The following IMMP2L variants were observed in gnomAD, a reference collection of about 807,000 sequenced individuals.
IMMP2L encodes the protein mitochondrial inner membrane protease subunit 2.
Under a neutral mutation model 19.3 loss-of-function variants are expected in IMMP2L, and 18 were observed. The observed-to-expected ratio is 0.93, with a 90% confidence interval of 0.64 to 1.38. IMMP2L has a LOEUF of 1.38. IMMP2L is among the 40% of genes most tolerant of loss of function. The pLI, the probability that IMMP2L is intolerant of heterozygous loss-of-function variation, is 0.00. For synonymous variants in IMMP2L, 76 were observed against 73.0 expected (o/e 1.04, Z -0.21); for missense variants, 233 against 218.2 (o/e 1.07, Z -0.43).
chr7:111,443,295 C>G (rs1366205714), intron 3 of IMMP2L, among the ~76,000 whole-genome samples: 2 of 149,598 alleles, frequency 1.3e-5, no homozygotes, highest in Non-Finnish European at 2.9e-5. Flanking sequence ...TCCAAATTTT[C>G]AAATGCAATA....
chr7:110,807,761 A>C (rs1232602013), intron 5 of IMMP2L, among the ~76,000 whole-genome samples: 1 of 152,068 alleles, frequency 6.6e-6, no homozygotes, highest in Non-Finnish European at 1.5e-5. Context: ...CCTACCAAGG[A>C]AACAGAAAAT....
At chr7:110,875,127 A>T (rs1310742897) in intron 5 of IMMP2L, among the ~76,000 whole-genome samples, 1 of 152,180 alleles carries the variant, frequency 6.6e-6, no homozygotes, top group African/African-American at 2.4e-5. Context: ...ACTTGAAAAA[A>T]TATAACGGTT....
At chr7:111,434,325 A>G (rs1836917635) in intron 3 of IMMP2L, among the ~76,000 whole-genome samples, 2 of 151,744 alleles carry the variant, frequency 1.3e-5, no homozygotes, top group South Asian at 4.1e-4. Flanking sequence ...TTTATGACCA[A>G]GTCCTCAAAA....
intron 3 of IMMP2L, among the ~76,000 whole-genome samples, chr7:111,441,054 T>C (rs1462062763): frequency 1.3e-5 from 2 of 151,966 alleles, no homozygotes; most frequent in Admixed American, 6.5e-5. Context: ...TTGCTCTACA[T>C]TAAGCTTTGG....
chr7:110,747,742 C>T (rs768687310), intron 5 of IMMP2L, among the ~76,000 whole-genome samples: 9 of 152,090 alleles, frequency 5.9e-5, no homozygotes, highest in South Asian at 2.1e-4. Flanking sequence ...ATTGATGGAA[C>T]GTATTTCAAA....
chr7:111,502,125 A>T (rs1459609715), intron 2 of IMMP2L, among the ~76,000 whole-genome samples: 1 of 152,168 alleles, frequency 6.6e-6, no homozygotes, highest in Non-Finnish European at 1.5e-5. Flanking sequence ...ATGGAGGAAG[A>T]TCTACCAAGC....
At chr7:111,551,937 GA>G (rs1186075179) in intron 1 of IMMP2L, among the ~76,000 whole-genome samples, 3 of 152,094 alleles carry the variant, frequency 2.0e-5, no homozygotes, top group African/African-American at 7.2e-5. Context: ...AGTACTAAAA[GA>G]GAAATACAAA....
At chr7:111,268,541 A>G (rs1228428847) in intron 3 of IMMP2L, among the ~76,000 whole-genome samples, 1 of 139,384 alleles carries the variant, frequency 7.2e-6, no homozygotes, top group Non-Finnish European at 1.5e-5. Context: ...TTCCCAGGGT[A>G]GAGATATGAG....
chr7:111,006,187 T>C (rs997937775), intron 3 of IMMP2L, among the ~76,000 whole-genome samples: 1 of 152,150 alleles, frequency 6.6e-6, no homozygotes, highest in Non-Finnish European at 1.5e-5. Context: ...TGATGATACA[T>C]AGATATGATC....
chr7:110,785,755 T>C (rs547688400), intron 5 of IMMP2L, among the ~76,000 whole-genome samples: 12 of 152,100 alleles, frequency 7.9e-5, no homozygotes, highest in African/African-American at 2.9e-4. Context: ...CAACAGGCTA[T>C]ATCATCATAT....
At chr7:111,386,902 G>C (rs1831814101) in intron 3 of IMMP2L, among the ~76,000 whole-genome samples, 1 of 152,070 alleles carries the variant, frequency 6.6e-6, no homozygotes, top group Admixed American at 6.6e-5. Context: ...CCCACAAAAA[G>C]AAGAGAATGA....
intron 3 of IMMP2L, among the ~76,000 whole-genome samples, chr7:111,158,555 ACT>A (rs1244067548): frequency 1.3e-5 from 2 of 151,990 alleles, no homozygotes; most frequent in Non-Finnish European, 2.9e-5. Flanking sequence ...TTCATCCAAA[ACT>A]CTAGTTTTTC....
At chr7:110,755,331 C>G (rs1797975342) in intron 5 of IMMP2L, among the ~76,000 whole-genome samples, 1 of 151,948 alleles carries the variant, frequency 6.6e-6, no homozygotes, top group Admixed American at 6.6e-5. Context: ...ATAAAACTAG[C>G]TGCCATTAGT....
chr7:110,692,144 C>A (rs1443070613), intron 5 of IMMP2L, among the ~76,000 whole-genome samples: 1 of 152,094 alleles, frequency 6.6e-6, no homozygotes, highest in East Asian at 1.9e-4. Flanking sequence ...CCATGGAATA[C>A]TACTCAGCCA....
intron 5 of IMMP2L, among the ~76,000 whole-genome samples, chr7:110,846,755 T>C (rs1210188176): frequency 6.6e-6 from 1 of 152,138 alleles, no homozygotes; most frequent in African/African-American, 2.4e-5. Context: ...TGAAAATAAA[T>C]AAGGACATAG....
chr7:110,736,519 G>A (rs1796646814), intron 5 of IMMP2L, among the ~76,000 whole-genome samples: 1 of 152,196 alleles, frequency 6.6e-6, no homozygotes, highest in Non-Finnish European at 1.5e-5. Context: ...TGTGTGGGCT[G>A]TGCCCAGCAA....
At chr7:110,791,679 C>G (rs1157539048) in intron 5 of IMMP2L, among the ~76,000 whole-genome samples, 1 of 151,732 alleles carries the variant, frequency 6.6e-6, no homozygotes, top group Non-Finnish European at 1.5e-5. Context: ...CTCAGAGGTA[C>G]CACCACAGTA....
intron 3 of IMMP2L, among the ~76,000 whole-genome samples, chr7:111,347,679 T>C (rs556676542): frequency 2.0e-5 from 3 of 151,572 alleles, no homozygotes; most frequent in African/African-American, 7.3e-5. Context: ...TCCAAGGAGG[T>C]TGGGGAGTAG....
intron 3 of IMMP2L, among the ~76,000 whole-genome samples, chr7:111,301,069 T>C (rs1055181425): frequency 6.6e-6 from 1 of 152,126 alleles, no homozygotes; most frequent in African/African-American, 2.4e-5. Flanking sequence ...TCAGCAATAT[T>C]ATGAGTGATC....
Sources: gnomAD v4.1 joint callset for allele counts (sites outside exome capture counted in the v4.1 genomes callset) on GRCh38, gnomAD v4.1.1 for gene constraint, MANE v1.5 for transcripts, NCBI Gene and HGNC (gene_info 2026-07-23, HGNC 2026-07-21) for gene names.